Variants in DRGX observed in about 807,000 individuals in gnomAD.
The protein encoded by DRGX is dorsal root ganglia homeobox.
Under a neutral mutation model 28.6 loss-of-function variants are expected in DRGX, and 21 were observed. That is an observed-to-expected ratio of 0.73 (90% CI 0.52 to 1.06). The LOEUF (loss-of-function observed/expected upper bound fraction) is 1.06, where lower values mean the gene tolerates loss of function less well. Ranked by LOEUF, DRGX falls within the 50% of genes least tolerant of loss-of-function variation. The pLI is 0.00. For synonymous variants in DRGX, 136 were observed against 139.1 expected (o/e 0.98, Z 0.16); for missense variants, 354 against 343.9 (o/e 1.03, Z -0.23).
rs201852529 is a variant in DRGX, at chr10:49,386,516, G to A, written c.488C>T (p.Thr163Ile). The part of the protein sequence containing the change: ...CLPGTLLNTA[T>I]YAQALSHVAS... The stretch of plus-strand genomic sequence containing the variant: ...CACATGGGACAAGGCCTGGGCGTAG[G>A]TGGCCGTGTTCAGGAGAGTCCCCGG... Residue 163 changes from threonine (T) to isoleucine (I), a missense_variant, in exon 6 of 7, where the codon ACC (threonine) becomes ATC (isoleucine). Transcript: ENST00000374139. 7.9e-5 allele frequency: 126 copies of A among 1,587,704 alleles called. No homozygotes were observed. Among genetic ancestry groups the A allele is most frequent in the Middle Eastern group, 1.7e-4 (1 of 5,980 alleles).
chr10:49,370,156 G>A (rs1431034230), intron 6 of DRGX, among the ~76,000 whole-genome samples: 1 of 152,152 alleles, frequency 6.6e-6, no homozygotes, highest in African/African-American at 2.4e-5. Context: ...TGTAAAACCA[G>A]CACTTTGGGA....
At chr10:49,386,374 C>T (rs1849834906) in intron 6 of DRGX, 104 bp downstream of exon 6, 1 of 1,012,826 alleles carries the variant, frequency 9.9e-7, no homozygotes, top group Non-Finnish European at 1.4e-6. Context: ...GGAAGCTGCA[C>T]AGGCCCAGGT....
intron 6 of DRGX, among the ~76,000 whole-genome samples, chr10:49,385,230 G>A (rs1849818467): frequency 1.3e-5 from 2 of 152,142 alleles, no homozygotes; most frequent in South Asian, 4.1e-4. Flanking sequence ...AAGGTACTGA[G>A]CTAGGCCTTG....
At chr10:49,393,461 C>T (rs1849931953) in intron 2 of DRGX, among the ~76,000 whole-genome samples, 1 of 152,166 alleles carries the variant, frequency 6.6e-6, no homozygotes, top group South Asian at 2.1e-4. Context: ...CTGTTGTATT[C>T]AAACTTCTCA....
chr10:49,368,088 G>A (rs1849618132), intron 6 of DRGX, among the ~76,000 whole-genome samples: 1 of 152,142 alleles, frequency 6.6e-6, no homozygotes, highest in Non-Finnish European at 1.5e-5. Flanking sequence ...TCCTTGCCAA[G>A]CCTGCTGAGA....
chr10:49,384,568 CA>C (rs1456417073), intron 6 of DRGX, among the ~76,000 whole-genome samples: 1 of 152,232 alleles, frequency 6.6e-6, no homozygotes, highest in African/African-American at 2.4e-5. Flanking sequence ...ACAGCCCAGC[CA>C]GAAGGGCTTA....
chr10:49,372,336 G>T (rs1191167787), intron 6 of DRGX, among the ~76,000 whole-genome samples: 1 of 152,184 alleles, frequency 6.6e-6, no homozygotes, highest in Non-Finnish European at 1.5e-5. Context: ...GGCCAGAAAA[G>T]CCAATGCAGC....
chr10:49,383,676 A>G (rs1330877389), intron 6 of DRGX, among the ~76,000 whole-genome samples: 1 of 152,234 alleles, frequency 6.6e-6, no homozygotes, highest in African/African-American at 2.4e-5. Flanking sequence ...GACATCGGCC[A>G]TGAGGGCGGA....
At position 49,393,199 on chromosome 10, in the gene DRGX, G is replaced by A. The variant is rs565551833; in HGVS notation, c.35-1938C>T. Among the ~76,000 whole-genome samples the A allele has an allele frequency of 2.6e-5, 4 of 152,260 alleles. No individual in the cohort carries two copies. In the South Asian group the frequency reaches 6.2e-4, roughly 24 times the overall value. The stretch of plus-strand genomic sequence containing the variant: ...ACATACAATGGAATACTACACAGCA[G>A]TTTAAAAGAAATCAGTAGATCTATA... On this transcript the variant is annotated intron_variant, in intron 2 of 6. Transcript: ENST00000374139.
chr10:49,390,427 C>T (rs1379065943), intron 3 of DRGX, among the ~76,000 whole-genome samples, 193 bp from the exon 4 acceptor site: 3 of 152,120 alleles, frequency 2.0e-5, no homozygotes, highest in Admixed American at 6.5e-5. Flanking sequence ...TTAGGAGCTA[C>T]GGCTTACTAG....
intron 6 of DRGX, among the ~76,000 whole-genome samples, chr10:49,385,754 T>C (rs1055493882): frequency 2.6e-5 from 4 of 151,218 alleles, no homozygotes; most frequent in African/African-American, 9.7e-5. Flanking sequence ...CCAGACCCCC[T>C]GTGACAAACG....
intron 6 of DRGX, 105 bp from the exon 7 acceptor site, chr10:49,366,486 C>A: frequency 6.9e-7 from 1 of 1,457,130 alleles, no homozygotes; most frequent in East Asian, 2.4e-5. Context: ...AGATTGATTC[C>A]CTCTGGTGCC....
intron 6 of DRGX, among the ~76,000 whole-genome samples, chr10:49,382,710 G>A (rs551186073): frequency 6.1e-4 from 93 of 152,114 alleles, no homozygotes; most frequent in Non-Finnish European, 1.2e-3. Context: ...CTCTCCCATA[G>A]GCACCCAACA....
Position 49,391,266 on chromosome 10 carries a change from C to A in DRGX, c.35-5G>T, listed in dbSNP as rs1849901279. 1 of 1,607,388 alleles carries A rather than the reference C, an allele frequency of 6.2e-7. No homozygotes were observed. The highest frequency in any genetic ancestry group is 1.3e-5 in the African/African-American group (1 of 74,854). On this transcript the variant is annotated splice_polypyrimidine_tract_variant and splice_region_variant and intron_variant, in intron 2 of 6. Coordinates refer to ENST00000374139, the MANE Select transcript of DRGX (RefSeq NM_001276451.2). ...GATTGCCAAAGGTTGCAGTGCCTAC[C>A]AAGAGCAAACTGATCAACCTGGGCA...
At chr10:49,381,400 C>T (rs560845132) in intron 6 of DRGX, among the ~76,000 whole-genome samples, 3 of 152,370 alleles carry the variant, frequency 2.0e-5, no homozygotes, top group South Asian at 4.1e-4. Flanking sequence ...AACCCTTGCC[C>T]GGCTCCCTCT....
In DRGX at chr10:49,365,113, C is replaced by A. The variant is rs907755260; in HGVS notation, c.*1003G>T. The A allele has an allele frequency of 1.3e-5, 2 of 151,638 alleles. No homozygotes were observed. Among genetic ancestry groups the A allele is most frequent in the Non-Finnish European group, 2.9e-5 (2 of 68,040 alleles). 9.4% of individuals were successfully genotyped at this position (151,638 alleles called of 1,614,324 possible). ...TCCCCATGCTCCATATCTGCACATA[C>A]GCCGTTCCTGTCTCCTTTCCTACTT... is the stretch of plus-strand genomic sequence containing the variant. On this transcript the variant is annotated 3_prime_UTR_variant, in exon 7 of 7. Transcript: ENST00000374139.
chr10:49,385,092 G>T (rs892919966), intron 6 of DRGX, among the ~76,000 whole-genome samples: 1 of 152,134 alleles, frequency 6.6e-6, no homozygotes, highest in Non-Finnish European at 1.5e-5. Context: ...CTGCACAACT[G>T]TAGCCCCTGA....
chr10:49,376,425 C>T (rs980381744), intron 6 of DRGX, among the ~76,000 whole-genome samples: 3 of 152,136 alleles, frequency 2.0e-5, no homozygotes, highest in African/African-American at 7.2e-5. Flanking sequence ...TTTCCTGGAG[C>T]CCTATGTGCT....
At chr10:49,393,021 T>C (rs1481005060) in intron 2 of DRGX, among the ~76,000 whole-genome samples, 1 of 151,926 alleles carries the variant, frequency 6.6e-6, no homozygotes. Flanking sequence ...TTTGACAACA[T>C]CCATCAAAAA....
Sources: gnomAD v4.1 joint callset for allele counts (sites outside exome capture counted in the v4.1 genomes callset) on GRCh38, gnomAD v4.1.1 for gene constraint, MANE v1.5 for transcripts, NCBI Gene and HGNC (gene_info 2026-07-23, HGNC 2026-07-21) for gene names.